The following CFAP44 variants were observed in gnomAD, a reference collection of about 807,000 sequenced individuals.
The protein encoded by CFAP44 is cilia and flagella associated protein 44.
A neutral mutation model predicts 216.2 loss-of-function variants in CFAP44; 134 were observed. That is an observed-to-expected ratio of 0.62 (90% CI 0.54 to 0.72). The LOEUF is 0.72. Among genes scored for constraint, CFAP44 ranks in the 30% least tolerant of loss-of-function variants. The pLI is 0.00. For synonymous variants in CFAP44, 700 were observed against 727.6 expected, an observed-to-expected ratio of 0.96 and a Z score of 0.61; for missense variants, 2,035 against 2,182.1, an observed-to-expected ratio of 0.93 and a Z score of 1.34.
At chr3:113,352,310 C>T (rs148121030) in intron 22 of CFAP44, among the ~76,000 whole-genome samples, 4,386 of 152,302 alleles carry the variant, frequency 0.029, 109 homozygotes, top group East Asian at 0.1. Flanking sequence ...CAGCAGCAAC[C>T]TGCTCAGGTC....
At position 113,363,374 on chromosome 3, in the gene CFAP44, T is replaced by C. The variant is rs2107314558; in HGVS notation, c.2772-67A>G. ...AAACAGCAGAGAAAGAGAAAATTAG[T>C]ATTCAATAATTTGAAAATTCATTAA... On this transcript the variant is annotated intron_variant, in intron 20 of 34. Coordinates refer to ENST00000393845, the MANE Select transcript of CFAP44 (RefSeq NM_001164496.2). 3 of 1,568,658 alleles carry C rather than the reference T, an allele frequency of 1.9e-6. No homozygotes were observed. The East Asian group carries it at 6.8e-5, about 35-fold the overall frequency.
chr3:113,292,576 C>T (rs186846582), intron 34 of CFAP44, among the ~76,000 whole-genome samples: 2 of 152,236 alleles, frequency 1.3e-5, no homozygotes, highest in African/African-American at 4.8e-5. Flanking sequence ...CTCATCTAAT[C>T]CCCAAAATGA....
intron 32 of CFAP44, among the ~76,000 whole-genome samples, chr3:113,299,030 AATT>A (rs767534799): frequency 1.3e-5 from 2 of 152,226 alleles, no homozygotes; most frequent in Non-Finnish European, 2.9e-5. Flanking sequence ...TAAACTTAGA[AATT>A]ATTAACCCTA....
intron 28 of CFAP44, among the ~76,000 whole-genome samples, chr3:113,311,530 C>T (rs969543923): frequency 6.6e-6 from 1 of 152,166 alleles, no homozygotes; most frequent in South Asian, 2.1e-4. Flanking sequence ...CTGAGGCATC[C>T]CCAGCCATGT....
intron 6 of CFAP44, among the ~76,000 whole-genome samples, chr3:113,411,611 A>AT (rs1327125302): frequency 9.2e-5 from 14 of 152,206 alleles, no homozygotes; most frequent in African/African-American, 3.4e-4. Context: ...TTGGCTTAGG[A>AT]TTGTCTTGGC....
At chr3:113,426,758 A>T in intron 3 of CFAP44, 1 of 203,282 alleles carries the variant, frequency 4.9e-6, no homozygotes, top group Admixed American at 5.6e-5. Flanking sequence ...TCTAGCAGTA[A>T]GTACTACTAC....
At position 113,326,562 on chromosome 3, in the gene CFAP44, G is replaced by A. The variant is rs1218455974; in HGVS notation, c.4399C>T (p.Leu1467Phe). ...ITKLQEQEKA[L>F]YAGFQAAIGE... ...ATGGCTGCTTGAAAACCAGCATAGA[G>A]TGCCTTTTCTTGCTCCTGGAGTTTG... The change falls in exon 28 of 35, where the codon CTC becomes TTC. Residue 1467 changes from leucine to phenylalanine, a missense_variant. Coordinates refer to ENST00000393845, the MANE Select transcript of CFAP44 (RefSeq NM_001164496.2). The A allele has an allele frequency of 8.5e-6, 13 of 1,532,892 alleles. No individual in the cohort carries two copies. In the African/African-American group the frequency reaches 1.1e-4, roughly 13 times the overall value. The allele number at this position is 1,532,892 out of a possible 1,614,324, so 95.0% of individuals were successfully genotyped here.
chr3:113,367,737 A>G lies in CFAP44; in HGVS notation c.2445-1428T>C, dbSNP rs531724710. On this transcript the variant is annotated intron_variant, in intron 18 of 34. Coordinates refer to ENST00000393845, the MANE Select transcript of CFAP44 (RefSeq NM_001164496.2). ...CAAAGCTGAATGGAGAATGATTTTGATGAGTTAGTTGACAGAAGTAGGCTT... is the reference window on the plus strand; with the variant it reads ...CAAAGCTGAATGGAGAATGATTTTGGTGAGTTAGTTGACAGAAGTAGGCTT... Among the ~76,000 whole-genome samples, 15 of 152,344 alleles carry G rather than the reference A, an allele frequency of 9.8e-5. No individual in the cohort carries two copies. In the South Asian group the frequency reaches 3.1e-3, roughly 32 times the overall value.
intron 15 of CFAP44, among the ~76,000 whole-genome samples, chr3:113,389,199 A>C (rs1933730433): frequency 6.6e-6 from 1 of 152,246 alleles, no homozygotes; most frequent in South Asian, 2.1e-4. Context: ...ATGGAATAAA[A>C]TTAGAAATCA....
chr3:113,289,100 T>C lies in CFAP44; in HGVS notation c.*2457A>G, dbSNP rs1949803721. The C allele has an allele frequency of 6.6e-6, 1 of 152,216 alleles. No homozygotes were observed. The highest frequency in any genetic ancestry group is 2.1e-4 in the South Asian group (1 of 4,830). The allele number at this position is 152,216 out of a possible 1,614,324, so 9.4% of individuals were successfully genotyped here. A position where few individuals can be genotyped will look rare whatever the true frequency, so the allele number is the denominator to read the frequency against. ...CTGCCCATGCCACACCCTGCTGGTC[T>C]ACTTGTGTTTGAAGCTTAACTTCCC... On this transcript the variant is annotated 3_prime_UTR_variant, in exon 35 of 35. Transcript: ENST00000393845.
chr3:113,367,955 A>G (rs1374892211), intron 18 of CFAP44, among the ~76,000 whole-genome samples: 1 of 152,240 alleles, frequency 6.6e-6, no homozygotes, highest in Non-Finnish European at 1.5e-5. Context: ...ACAAGCTTCA[A>G]TAGCTGATTC....
chr3:113,437,660 C>G (rs534988113), intron 1 of CFAP44, among the ~76,000 whole-genome samples: 2 of 152,290 alleles, frequency 1.3e-5, no homozygotes, highest in South Asian at 4.1e-4. Flanking sequence ...TCCTACCTTT[C>G]CTGGGTCATA....
chr3:113,368,201 C>A (rs1211608337), intron 18 of CFAP44, among the ~76,000 whole-genome samples: 1 of 152,154 alleles, frequency 6.6e-6, no homozygotes, highest in Non-Finnish European at 1.5e-5. Context: ...CCCAACCTAG[C>A]AAGGCAGGCC....
At chr3:113,437,272 CAG>C (rs1935260209) in intron 1 of CFAP44, among the ~76,000 whole-genome samples, 1 of 146,974 alleles carries the variant, frequency 6.8e-6, no homozygotes, top group African/African-American at 2.7e-5. Context: ...TTCTACTTTT[CAG>C]TCTTTTTTCT....
intron 7 of CFAP44, among the ~76,000 whole-genome samples, chr3:113,408,375 T>C (rs769031030): frequency 6.6e-6 from 1 of 152,192 alleles, no homozygotes; most frequent in Non-Finnish European, 1.5e-5. Flanking sequence ...TCGTATTGAG[T>C]GTTCCTTGTC....
At position 113,287,801 on chromosome 3, in the gene CFAP44, T is replaced by C. The variant is rs1411591496; in HGVS notation, c.*3756A>G. 1 of 152,178 alleles carries C rather than the reference T, an allele frequency of 6.6e-6. No individual in the cohort carries two copies. The highest frequency in any genetic ancestry group is 1.9e-4 in the East Asian group (1 of 5,200). The allele number at this position is 152,178 out of a possible 1,614,324, so 9.4% of individuals were successfully genotyped here. On this transcript the variant is annotated 3_prime_UTR_variant, in exon 35 of 35. Transcript: ENST00000393845. ...TAGGTGTGTGTTGAAGACCAAATAT[T>C]TTCTCCAAAATACTGTTTAGCTAAG...
At chr3:113,308,375 C>A in intron 28 of CFAP44, 107 bp from the exon 29 acceptor site, 1 of 850,060 alleles carries the variant, frequency 1.2e-6, no homozygotes, top group African/African-American at 1.7e-5. Context: ...AGAAAAATAA[C>A]TCAATATAAG....
chr3:113,427,232 C>T lies in CFAP44; in HGVS notation c.208G>A (p.Gly70Arg). ...CCATACTGAAATGAACTCAAACTTC[C>T]TTCCAAACGTTCCTCATCTGAGTCT... is the stretch of plus-strand genomic sequence containing the variant. ...EEDSDEERLE[G>R]SLSSFQYGDL... is the part of the protein sequence containing the mutation. Residue 70 changes from glycine (G) to arginine (R), a missense_variant, in exon 3 of 35, where the codon GGA (glycine) becomes AGA (arginine). By Grantham distance (125) the Gly-to-Arg change is moderately radical. Around this residue, in one of 3 missense-constraint regions of CFAP44, gnomAD observed 149 missense variants for 141.8 expected, o/e 1.05. Transcript: ENST00000393845. 6.2e-7 allele frequency: 1 copy of T among 1,613,498 alleles called. No homozygotes were observed. Among genetic ancestry groups the T allele is most frequent in the Non-Finnish European group, 8.5e-7 (1 of 1,179,826 alleles).
At chr3:113,429,703 T>C (rs1350120266) in intron 2 of CFAP44, among the ~76,000 whole-genome samples, 1 of 152,138 alleles carries the variant, frequency 6.6e-6, no homozygotes, top group Non-Finnish European at 1.5e-5. Context: ...TCTGTTTTTC[T>C]CCTCCTACCT....
Sources: gnomAD v4.1 joint callset for allele counts (sites outside exome capture counted in the v4.1 genomes callset) on GRCh38, gnomAD v4.1.1 for gene constraint, gnomAD v4.1.1 regional missense constraint, MANE v1.5 for transcripts, NCBI Gene and HGNC (gene_info 2026-07-23, HGNC 2026-07-21) for gene names.